LRRK1: variants seen among roughly 807,000 people sequenced by gnomAD.
LRRK1 encodes the protein leucine-rich repeat serine/threonine-protein kinase 1.
A neutral mutation model predicts 209.1 loss-of-function variants in LRRK1; 113 were observed. The observed-to-expected ratio is 0.54, with a 90% CI of 0.46 to 0.63. LRRK1 has a LOEUF of 0.63. LRRK1 is among the 30% of genes least tolerant of loss of function. LRRK1 has a pLI of 0.00. For synonymous variants in LRRK1, 1,144 were observed against 1,099.7 expected, an observed-to-expected ratio of 1.04 and a Z score of -0.80; for missense variants, 2,284 against 2,632.2, an observed-to-expected ratio of 0.87 and a Z score of 2.89.
At chr15:100,967,486 G>C (rs2030540061) in intron 2 of LRRK1, among the ~76,000 whole-genome samples, 1 of 151,202 alleles carries the variant, frequency 6.6e-6, no homozygotes, top group Admixed American at 6.6e-5. Flanking sequence ...TTGGTATTAG[G>C]GGCTTTGCTC....
chr15:101,035,658 A>T (rs2034467406), intron 20 of LRRK1, among the ~76,000 whole-genome samples: 1 of 152,168 alleles, frequency 6.6e-6, no homozygotes, highest in Admixed American at 6.5e-5. Context: ...CAAGGCAATT[A>T]TTAATATGTG....
Position 101,065,549 on chromosome 15 carries a change from G to C in LRRK1, c.5112G>C (p.Glu1704Asp). The C allele has an allele frequency of 6.2e-7, 1 of 1,614,236 alleles. No individual in the cohort carries two copies. Among genetic ancestry groups the C allele is most frequent in the Non-Finnish European group, 8.5e-7 (1 of 1,180,042 alleles). ...KAMEVVNSGS[E>D]VWYSNGPGLL... ...TGGAGGTGGTCAACAGCGGCTCTGAGGTCTGGTACAGCAATGGGCCGGGCC... is the reference window on the plus strand; with the variant it reads ...TGGAGGTGGTCAACAGCGGCTCTGACGTCTGGTACAGCAATGGGCCGGGCC... Residue 1704 changes from glutamate (E) to aspartate (D), a missense_variant, in exon 32 of 34, where the codon GAG becomes GAC. Glu to Asp is a conservative substitution (Grantham distance 45). Transcript: ENST00000388948.
chr15:101,010,712 G>A lies in LRRK1; in HGVS notation c.1156G>A (p.Asp386Asn). The change falls in exon 9 of 34, where the codon GAT becomes AAT. Residue 386 changes from aspartate to asparagine, a missense_variant. Asp to Asn is a conservative substitution (Grantham distance 23). Transcript: ENST00000388948. Reference sequence around the variant, plus strand: ...AGGTTTACGGAAGCTACAGGAACTTGATATATCTGACAATAAATTGACAGA... The same window carrying A: ...AGGTTTACGGAAGCTACAGGAACTTAATATATCTGACAATAAATTGACAGA... ...WIGLRKLQELDISDNKLTELP... is the reference protein window; with the variant it reads ...WIGLRKLQELNISDNKLTELP... The A allele has an allele frequency of 1.9e-6, 3 of 1,611,172 alleles. No individual in the cohort carries two copies. The highest frequency in any genetic ancestry group is 1.7e-6 in the Non-Finnish European group (2 of 1,179,230).
intron 2 of LRRK1, among the ~76,000 whole-genome samples, chr15:100,968,419 T>G (rs752552984): frequency 5.9e-5 from 9 of 152,206 alleles, no homozygotes; most frequent in Non-Finnish European, 1.3e-4. Flanking sequence ...CAGACCTGTT[T>G]CCAAAGTGAT....
chr15:101,049,539 C>G (rs2035279509), intron 22 of LRRK1, 105 bp from the exon 23 acceptor site: 9 of 1,359,796 alleles, frequency 6.6e-6, no homozygotes, highest in Non-Finnish European at 9.1e-6. Flanking sequence ...CACAGAGTCT[C>G]TCCAGGTCCC....
chr15:101,012,377 C>T (rs185848381), intron 10 of LRRK1, among the ~76,000 whole-genome samples: 18 of 152,294 alleles, frequency 1.2e-4, no homozygotes, highest in Admixed American at 4.6e-4. Flanking sequence ...TCGTATCCCT[C>T]GGGACTTTCT....
In LRRK1 at chr15:101,070,853, C is replaced by T. The variant is rs891304498; in HGVS notation, c.*2005C>T. 6.7e-5 allele frequency: 10 copies of T among 149,634 alleles called. No individual in the cohort carries two copies. Among genetic ancestry groups the T allele is most frequent in the African/African-American group, 1.7e-4 (7 of 40,722 alleles). 9.3% of individuals were successfully genotyped at this position (149,634 alleles called of 1,614,324 possible). A position where few individuals can be genotyped will look rare whatever the true frequency, so the allele number is the denominator to read the frequency against. On this transcript the variant is annotated 3_prime_UTR_variant, in exon 34 of 34. Transcript: ENST00000388948. ...CTTGACTCCATGAAATTGAAACTTA[C>T]GTGGAAAATTAGTCCAAAGCCTAAA... is the stretch of plus-strand genomic sequence containing the variant.
At chr15:101,043,480 C>T (rs539583625) in intron 20 of LRRK1, among the ~76,000 whole-genome samples, 3 of 152,102 alleles carry the variant, frequency 2.0e-5, no homozygotes, top group South Asian at 2.1e-4. Context: ...ACAACATTGC[C>T]GGATCTGACA....
At chr15:101,064,195 A>G (rs539768854) in intron 31 of LRRK1, among the ~76,000 whole-genome samples, 38 of 152,322 alleles carry the variant, frequency 2.5e-4, no homozygotes, top group East Asian at 1.4e-3. Flanking sequence ...TTCTTTCCCT[A>G]AAGTCCTGGG....
Position 101,010,431 on chromosome 15 carries a change from T to C in LRRK1, c.990-19T>C. On this transcript the variant is annotated intron_variant, in intron 7 of 33. Coordinates refer to ENST00000388948, the MANE Select transcript of LRRK1 (RefSeq NM_024652.6). ...TCCCTCTTTATTCTGATGCCTGCCT[T>C]CCTTCTTCTCCATCGCAGGCTACTT... is the stretch of plus-strand genomic sequence containing the variant. 1 of 1,599,114 alleles carries C rather than the reference T, an allele frequency of 6.3e-7. No individual in the cohort carries two copies. The highest frequency in any genetic ancestry group is 8.5e-7 in the Non-Finnish European group (1 of 1,175,450).
chr15:101,049,903 G>C, intron 23 of LRRK1, 120 bp downstream of exon 23: 1 of 1,164,090 alleles, frequency 8.6e-7, no homozygotes, highest in Non-Finnish European at 1.2e-6. Flanking sequence ...AGAAAACTAG[G>C]GGGTCTTAAC....
At chr15:100,966,389 T>A (rs1236030448) in intron 2 of LRRK1, among the ~76,000 whole-genome samples, 1 of 152,234 alleles carries the variant, frequency 6.6e-6, no homozygotes, top group African/African-American at 2.4e-5. Flanking sequence ...TTCATTACTT[T>A]TGTAGTGTCT....
At chr15:101,051,466 G>A (rs1010040867) in intron 23 of LRRK1, among the ~76,000 whole-genome samples, 4 of 152,094 alleles carry the variant, frequency 2.6e-5, no homozygotes, top group Admixed American at 6.5e-5. Flanking sequence ...TCAGTGTCCC[G>A]ACCACTGGAC....
At chr15:100,999,280 T>C (rs995196380) in intron 6 of LRRK1, among the ~76,000 whole-genome samples, 4 of 152,248 alleles carry the variant, frequency 2.6e-5, no homozygotes, top group African/African-American at 9.6e-5. Flanking sequence ...GCTTTTTGTT[T>C]TAAAAACCTC....
intron 20 of LRRK1, among the ~76,000 whole-genome samples, chr15:101,034,892 A>G (rs1477928927): frequency 6.6e-6 from 1 of 151,242 alleles, no homozygotes; most frequent in Non-Finnish European, 1.5e-5. Context: ...ATAGTTCTTC[A>G]TAGTAGTCTC....
chr15:100,965,869 C>G (rs1216553785), intron 2 of LRRK1, among the ~76,000 whole-genome samples: 2 of 152,044 alleles, frequency 1.3e-5, no homozygotes, highest in African/African-American at 4.8e-5. Flanking sequence ...ATTTAGAGAA[C>G]CAAAAGGATT....
chr15:101,003,898 G>A (rs754894075), intron 6 of LRRK1, among the ~76,000 whole-genome samples: 40 of 152,180 alleles, frequency 2.6e-4, no homozygotes, highest in Middle Eastern at 3.4e-3. Flanking sequence ...GTAGGGAGGC[G>A]GGGGAGGTCT....
intron 2 of LRRK1, among the ~76,000 whole-genome samples, chr15:100,928,211 C>T (rs1041112410): frequency 2.6e-5 from 4 of 152,262 alleles, no homozygotes; most frequent in African/African-American, 9.6e-5. Flanking sequence ...AACGGTAAAC[C>T]TCCTGTGCTT....
chr15:100,941,333 T>TGTGTGTGTGTG (rs2042408925), intron 2 of LRRK1, among the ~76,000 whole-genome samples: 1 of 133,914 alleles, frequency 7.5e-6, no homozygotes, highest in Non-Finnish European at 1.6e-5. Flanking sequence ...TGTGTCTGTG[T>TGTGTGTGTGTG]CTCTGTGTGT....
Sources: gnomAD v4.1 joint callset for allele counts (sites outside exome capture counted in the v4.1 genomes callset) on GRCh38, gnomAD v4.1.1 for gene constraint, MANE v1.5 for transcripts, NCBI Gene and HGNC (gene_info 2026-07-23, HGNC 2026-07-21) for gene names.